The following TENM3 variants were observed in gnomAD, a reference collection of about 807,000 sequenced individuals.
TENM3 encodes teneurin transmembrane protein 3, also known as teneurin-3.
In TENM3, 63 loss-of-function variants were observed where a neutral mutation model predicts 255.1. The observed-to-expected ratio is 0.25, with a 90% CI of 0.20 to 0.30. The LOEUF (loss-of-function observed/expected upper bound fraction) is 0.30. Ranked by LOEUF, TENM3 falls within the 10% of genes least tolerant of loss-of-function variation. The probability of loss-of-function intolerance (pLI) is 1.00; values close to 1 mark genes in which losing one functional copy is unlikely to be tolerated. For missense variants in TENM3, 2,929 were observed against 3,461.1 expected, an observed-to-expected ratio of 0.85 and a Z score of 3.86; for synonymous variants, 1,306 against 1,322.3, an observed-to-expected ratio of 0.99 and a Z score of 0.27.
At chr4:181,611,823 T>C in the TENM3 span, among the ~76,000 whole-genome samples, 1 of 152,256 alleles carries the variant, frequency 6.6e-6, no homozygotes, top group Non-Finnish European at 1.5e-5. Flanking sequence ...CATCTGCATC[T>C]AATGGTTATT....
At chr4:181,544,430 A>AAAAAAAAAAC in the TENM3 span, among the ~76,000 whole-genome samples, 1 of 144,282 alleles carries the variant, frequency 6.9e-6, no homozygotes, top group Non-Finnish European at 1.5e-5. Context: ...AAAAAAAAAA[A>AAAAAAAAAAC]AAAAAACTAT....
intron 21 of TENM3, among the ~76,000 whole-genome samples, chr4:182,753,936 A>C (rs1388880829): frequency 6.6e-6 from 1 of 152,206 alleles, no homozygotes; most frequent in Non-Finnish European, 1.5e-5. Context: ...TGAGCTCCTT[A>C]AGTAGTAGAG....
intron 5 of TENM3, among the ~76,000 whole-genome samples, chr4:182,652,371 C>G (rs1216007922): frequency 5.3e-5 from 8 of 152,110 alleles, no homozygotes; most frequent in Non-Finnish European, 1.0e-4. Flanking sequence ...CAGGTGACTC[C>G]AAATAGTTCG....
At chr4:182,148,166 GTTTGGAGGGCTGCGTTCA>G (rs1394505464) in intron 1 of TENM3, among the ~76,000 whole-genome samples, 2 of 152,080 alleles carry the variant, frequency 1.3e-5, no homozygotes, top group African/African-American at 4.8e-5. Flanking sequence ...CAAAGAAGTG[GTTTGGAGGGCTGCGTTCA>G]TTTTGAGTGC....
At chr4:182,522,905 AT>A (rs1738735035) in intron 3 of TENM3, among the ~76,000 whole-genome samples, 1 of 152,144 alleles carries the variant, frequency 6.6e-6, no homozygotes, top group African/African-American at 2.4e-5. Context: ...ACTACTTTAC[AT>A]TCCTACCAAC....
At chr4:181,948,420 T>G in the TENM3 span, among the ~76,000 whole-genome samples, 1 of 152,044 alleles carries the variant, frequency 6.6e-6, no homozygotes, top group Non-Finnish European at 1.5e-5. Flanking sequence ...TAGAAAATAA[T>G]TTTTTCTGTT....
intron 3 of TENM3, among the ~76,000 whole-genome samples, chr4:182,587,106 T>G (rs1295239368): frequency 1.3e-5 from 2 of 150,040 alleles, no homozygotes; most frequent in African/African-American, 2.4e-5. Flanking sequence ...AATTTTTTTT[T>G]AAGAGACACA....
chr4:181,679,454 CA>C, the TENM3 span, among the ~76,000 whole-genome samples: 4 of 152,042 alleles, frequency 2.6e-5, no homozygotes, highest in Non-Finnish European at 5.9e-5. Context: ...TAAAATAAAA[CA>C]TTTTTTCTTA....
chr4:181,885,184 C>G, the TENM3 span, among the ~76,000 whole-genome samples: 23 of 152,306 alleles, frequency 1.5e-4, no homozygotes, highest in East Asian at 4.4e-3. Flanking sequence ...TGCCCACTAG[C>G]AATCATTGAA....
chr4:182,224,806 G>A (rs1275986745), intron 1 of TENM3, among the ~76,000 whole-genome samples: 3 of 149,310 alleles, frequency 2.0e-5, no homozygotes, highest in African/African-American at 7.4e-5. Context: ...GCACGATTTC[G>A]GCTCACTGTA....
intron 13 of TENM3, among the ~76,000 whole-genome samples, chr4:182,718,522 G>C (rs1409298477): frequency 1.3e-5 from 2 of 152,154 alleles, no homozygotes; most frequent in Non-Finnish European, 2.9e-5. Flanking sequence ...ATGCTGGGCA[G>C]GCAGAAAAAC....
chr4:181,673,824 C>T, the TENM3 span, among the ~76,000 whole-genome samples: 1 of 150,164 alleles, frequency 6.7e-6, no homozygotes, highest in African/African-American at 2.5e-5. Context: ...TAGTGACCAC[C>T]TTGGAAAGTC....
At chr4:182,286,093 G>A (rs1267850379) in intron 1 of TENM3, among the ~76,000 whole-genome samples, 2 of 152,058 alleles carry the variant, frequency 1.3e-5, no homozygotes, top group Non-Finnish European at 2.9e-5. Flanking sequence ...TTGGCAGCTG[G>A]CCTCACACCT....
upstream of TENM3, chr4:182,141,935 G>C (rs1238435656): frequency 6.6e-6 from 1 of 152,176 alleles, no homozygotes; most frequent in Non-Finnish European, 1.5e-5. Flanking sequence ...TTCGTAGACA[G>C]TAAGAGGGAG....
chr4:182,161,473 A>G (rs1751179708), intron 1 of TENM3, among the ~76,000 whole-genome samples: 2 of 139,614 alleles, frequency 1.4e-5, no homozygotes, highest in East Asian at 4.3e-4. Context: ...TGTAATCCCA[A>G]CTACTCGGGA....
At chr4:182,161,403 G>A (rs563968431) in intron 1 of TENM3, among the ~76,000 whole-genome samples, 11 of 84,796 alleles carry the variant, frequency 1.3e-4, no homozygotes, top group East Asian at 6.0e-4. Context: ...GCGACAGAGC[G>A]AGACTCCGTC....
chr4:182,148,022 T>C (rs928590314), intron 1 of TENM3, among the ~76,000 whole-genome samples: 5 of 150,794 alleles, frequency 3.3e-5, no homozygotes, highest in African/African-American at 1.2e-4. Flanking sequence ...TGCTTCAAAA[T>C]AAAATAAAAT....
At chr4:181,922,271 C>T in the TENM3 span, among the ~76,000 whole-genome samples, 1 of 152,168 alleles carries the variant, frequency 6.6e-6, no homozygotes, top group Admixed American at 6.5e-5. Context: ...GGAGGATTCC[C>T]TCTTTTTCTA....
At chr4:182,081,722 C>G in the TENM3 span, 1 of 152,120 alleles carries the variant, frequency 6.6e-6, no homozygotes, top group South Asian at 2.1e-4. Flanking sequence ...GCTGACATTT[C>G]CTGTCCCTTG....
Sources: gnomAD v4.1 joint callset for allele counts (sites outside exome capture counted in the v4.1 genomes callset) on GRCh38, gnomAD v4.1.1 for gene constraint, MANE v1.5 for transcripts, NCBI Gene and HGNC (gene_info 2026-07-23, HGNC 2026-07-21) for gene names.